The following KCNAB1 variants were observed in gnomAD, a reference collection of about 807,000 sequenced individuals.
KCNAB1 encodes the protein voltage-gated potassium channel subunit beta-1.
In KCNAB1, 35 loss-of-function variants were observed where a neutral mutation model predicts 64.6. The observed-to-expected ratio is 0.54, with a 90% CI of 0.41 to 0.72. The LOEUF is 0.72. Among genes scored for constraint, KCNAB1 ranks in the 30% least tolerant of loss-of-function variants. KCNAB1 has a pLI of 0.00. For missense variants in KCNAB1, 401 were observed against 512.9 expected (o/e 0.78, Z 2.11); for synonymous variants, 177 against 183.8 (o/e 0.96, Z 0.30).
At chr3:156,459,790 C>T in intron 4 of KCNAB1, 37 bp from the exon 5 acceptor site, 1 of 1,512,690 alleles carries the variant, frequency 6.6e-7, no homozygotes, top group Non-Finnish European at 9.1e-7. Context: ...TTTTCCAGGA[C>T]ACTGCATTCT....
intron 1 of KCNAB1, among the ~76,000 whole-genome samples, chr3:156,380,062 G>A (rs915303780): frequency 1.4e-4 from 21 of 151,994 alleles, no homozygotes; most frequent in Non-Finnish European, 2.4e-4. Flanking sequence ...CTAGATATGG[G>A]GCTTCTCACC....
intron 1 of KCNAB1, among the ~76,000 whole-genome samples, chr3:156,306,678 G>A (rs1160713527): frequency 6.6e-6 from 1 of 152,220 alleles, no homozygotes; most frequent in Non-Finnish European, 1.5e-5. Flanking sequence ...GGTCCCATGA[G>A]CCTTGCTCCC....
rs180821931 is a variant in KCNAB1, at chr3:156,447,600, A to T, written c.320-5299A>T. 1.5e-4 allele frequency among the ~76,000 whole-genome samples: 23 copies of T among 152,358 alleles called. No individual in the cohort carries two copies. In the East Asian group the frequency reaches 3.9e-3, roughly 26 times the overall value. On this transcript the variant is annotated intron_variant, in intron 2 of 13. Coordinates refer to ENST00000490337, the MANE Select transcript of KCNAB1 (RefSeq NM_172160.3). ...CACTATAGAATTTTATAACCTTAAGATGATTTAGACCCAAATTAAGGGACA... is the reference window on the plus strand; with the variant it reads ...CACTATAGAATTTTATAACCTTAAGTTGATTTAGACCCAAATTAAGGGACA...
intron 1 of KCNAB1, among the ~76,000 whole-genome samples, chr3:156,218,192 G>A (rs1176027436): frequency 6.6e-6 from 1 of 152,188 alleles, no homozygotes; most frequent in Non-Finnish European, 1.5e-5. Flanking sequence ...TGGGCTGTGT[G>A]AGAGCGGGGT....
At chr3:156,397,388 A>G (rs1345330218) in intron 1 of KCNAB1, among the ~76,000 whole-genome samples, 1 of 152,176 alleles carries the variant, frequency 6.6e-6, no homozygotes. Flanking sequence ...GCAGATTTGA[A>G]TCTCTTTATT....
chr3:156,367,820 CT>C (rs1726043541), intron 1 of KCNAB1, among the ~76,000 whole-genome samples: 1 of 151,018 alleles, frequency 6.6e-6, no homozygotes, highest in African/African-American at 2.4e-5. Context: ...GAGATCTTTT[CT>C]TTTTTTCTAT....
At chr3:156,451,452 T>C (rs1291148681) in intron 2 of KCNAB1, among the ~76,000 whole-genome samples, 1 of 152,170 alleles carries the variant, frequency 6.6e-6, no homozygotes, top group Non-Finnish European at 1.5e-5. Flanking sequence ...ATACCCTTCT[T>C]GAAGCCAGTC....
At chr3:156,518,205 T>A (rs931537129) in intron 11 of KCNAB1, among the ~76,000 whole-genome samples, 16 of 152,258 alleles carry the variant, frequency 1.1e-4, no homozygotes, top group African/African-American at 3.6e-4. Flanking sequence ...GTCAACTCTG[T>A]ATCTACTGGA....
intron 2 of KCNAB1, among the ~76,000 whole-genome samples, chr3:156,444,800 G>A (rs1214272162): frequency 6.6e-6 from 1 of 152,220 alleles, no homozygotes; most frequent in African/African-American, 2.4e-5. Context: ...TAACTATGTA[G>A]CTTCCCTCTC....
chr3:156,476,592 CACATATATATAT>C (rs1714378905), intron 8 of KCNAB1, among the ~76,000 whole-genome samples: 1 of 150,592 alleles, frequency 6.6e-6, no homozygotes, highest in African/African-American at 2.5e-5. Context: ...TATACACACA[CACATATATATAT>C]ATCTCACAGT....
intron 7 of KCNAB1, among the ~76,000 whole-genome samples, chr3:156,466,220 A>G (rs931868240): frequency 5.9e-5 from 9 of 152,114 alleles, no homozygotes; most frequent in African/African-American, 2.2e-4. Context: ...ATTTCATGTA[A>G]ATGAGATCTC....
intron 1 of KCNAB1, chr3:156,273,468 C>G: frequency 2.5e-6 from 1 of 402,690 alleles, no homozygotes; most frequent in Non-Finnish European, 5.1e-6. Context: ...CTGAGTCTGC[C>G]CAATGTAGCT....
chr3:156,272,738 A>C (rs985300772), intron 1 of KCNAB1, among the ~76,000 whole-genome samples: 2 of 151,496 alleles, frequency 1.3e-5, no homozygotes, highest in African/African-American at 2.4e-5. Flanking sequence ...GCAAGACAAA[A>C]CCCCTTTTAT....
At chr3:156,522,436 T>C (rs1477378006) in intron 11 of KCNAB1, among the ~76,000 whole-genome samples, 3 of 152,126 alleles carry the variant, frequency 2.0e-5, no homozygotes, top group African/African-American at 7.2e-5. Context: ...TCATCACCAC[T>C]GGCACCAAAT....
intron 1 of KCNAB1, among the ~76,000 whole-genome samples, chr3:156,203,494 C>G (rs1156980249): frequency 6.6e-6 from 1 of 152,066 alleles, no homozygotes; most frequent in Non-Finnish European, 1.5e-5. Context: ...GACCGTTTTC[C>G]CCAACTATAA....
At chr3:156,400,409 G>A (rs1713805797) in intron 1 of KCNAB1, among the ~76,000 whole-genome samples, 1 of 152,132 alleles carries the variant, frequency 6.6e-6, no homozygotes, top group South Asian at 2.1e-4. Flanking sequence ...GACTGAAATT[G>A]CCTCCTAATT....
chr3:156,137,639 A>C (rs1322413184), intron 1 of KCNAB1, among the ~76,000 whole-genome samples: 7 of 149,062 alleles, frequency 4.7e-5, no homozygotes, highest in Admixed American at 2.0e-4. Context: ...CGCCCCCACC[A>C]GGTTCAAGCA....
rs562894154 is a variant in KCNAB1, at chr3:156,159,426, G to A, written c.275+38540G>A. Among the ~76,000 whole-genome samples the A allele has an allele frequency of 3.9e-5, 6 of 152,260 alleles. No homozygotes were observed. In the South Asian group the frequency reaches 1.0e-3, roughly 26 times the overall value. ...AATGATATTTAATTTAGCATGGAAA[G>A]TAATGCATTTTTAATAAGGAACACA... On this transcript the variant is annotated intron_variant, in intron 1 of 13. Coordinates refer to ENST00000490337, the MANE Select transcript of KCNAB1 (RefSeq NM_172160.3).
At chr3:156,476,076 A>G (rs1714317575) in intron 8 of KCNAB1, among the ~76,000 whole-genome samples, 2 of 152,230 alleles carry the variant, frequency 1.3e-5, no homozygotes, top group African/African-American at 4.8e-5. Context: ...AAAGCAAATC[A>G]TAAGCATTTT....
Sources: gnomAD v4.1 joint callset for allele counts (sites outside exome capture counted in the v4.1 genomes callset) on GRCh38, gnomAD v4.1.1 for gene constraint, MANE v1.5 for transcripts, NCBI Gene and HGNC (gene_info 2026-07-23, HGNC 2026-07-21) for gene names.